Variants in PDS5B observed in about 807,000 individuals in gnomAD.
The protein encoded by PDS5B is sister chromatid cohesion protein PDS5 homolog B.
PDS5B carries 51 observed loss-of-function variants against 184.1 expected under a neutral mutation model. The ratio of observed to expected loss-of-function variants is 0.28; its 90% confidence interval spans 0.22 to 0.35. The LOEUF is 0.35. Among genes scored for constraint, PDS5B ranks in the 10% least tolerant of loss-of-function variants. The pLI is 1.00. For synonymous variants in PDS5B, 566 were observed against 569.2 expected (o/e 0.99, Z 0.08); for missense variants, 1,180 against 1,723.3 (o/e 0.68, Z 5.58).
rs550723153 is a variant in PDS5B, at chr13:32,679,078, A to T, written c.1057+149A>T. ...GTCATGGAAGTTGTTCTCTGAAGCT[A>T]GATTTTTTTTTTTTTTTTTAAAATA... On this transcript the variant is annotated intron_variant, in intron 10 of 34. Transcript: ENST00000315596. 1.3e-3 allele frequency: 576 copies of T among 460,238 alleles called. 5 individuals are homozygous for T. The highest frequency in any genetic ancestry group is 5.1e-3 in the Middle Eastern group (9 of 1,762). 28.5% of individuals were successfully genotyped at this position (460,238 alleles called of 1,614,324 possible). A position where few individuals can be genotyped will look rare whatever the true frequency, so the allele number is the denominator to read the frequency against.
chr13:32,742,834 G>T, intron 23 of PDS5B, 107 bp downstream of exon 23: 1 of 998,934 alleles, frequency 1.0e-6, no homozygotes, highest in Non-Finnish European at 1.5e-6. Flanking sequence ...AATTAGAATT[G>T]CTTTGTACAT....
chr13:32,756,125 A>C (rs1954168709), intron 26 of PDS5B, among the ~76,000 whole-genome samples, 169 bp downstream of exon 26: 1 of 151,830 alleles, frequency 6.6e-6, no homozygotes, highest in South Asian at 2.1e-4. Context: ...ATCTCTTTAT[A>C]TTACATTTTT....
At position 32,648,800 on chromosome 13, in the gene PDS5B, G is replaced by T; in HGVS notation, c.28G>T (p.Asp10Tyr). 6.5e-7 allele frequency: 1 copy of T among 1,546,524 alleles called. No homozygotes were observed. Among genetic ancestry groups the T allele is most frequent in the Non-Finnish European group, 8.9e-7 (1 of 1,118,614 alleles). The change falls in exon 2 of 35, where the codon GAT becomes TAT. Residue 10 changes from aspartate to tyrosine, a missense_variant. This residue lies in a region of PDS5B where 13 missense variants were observed against 16.1 expected (regional missense o/e 0.81). Coordinates refer to ENST00000315596, the MANE Select transcript of PDS5B (RefSeq NM_015032.4). The part of the protein sequence containing the change: MAHSKTRTN[D>Y]GKITYPPGVK... The stretch of plus-strand genomic sequence containing the variant: ...GGCTCATTCAAAGACTAGGACCAAT[G>T]ATGGAAAAATTACATATCCGCCTGG...
At chr13:32,712,599 A>C (rs970707195) in intron 19 of PDS5B, among the ~76,000 whole-genome samples, 2 of 152,244 alleles carry the variant, frequency 1.3e-5, no homozygotes, top group African/African-American at 2.4e-5. Context: ...CAGAATTGGC[A>C]CCAGATGTGC....
chr13:32,725,643 A>G (rs1007646374), intron 19 of PDS5B, among the ~76,000 whole-genome samples: 1 of 152,224 alleles, frequency 6.6e-6, no homozygotes, highest in African/African-American at 2.4e-5. Context: ...ATGTTTGTTT[A>G]TACGGATACT....
chr13:32,605,610 C>G (rs1027295504), intron 1 of PDS5B, among the ~76,000 whole-genome samples: 7 of 152,098 alleles, frequency 4.6e-5, no homozygotes, highest in Non-Finnish European at 8.8e-5. Flanking sequence ...GAGGTTAGTT[C>G]AAGTCCTGGA....
intron 24 of PDS5B, among the ~76,000 whole-genome samples, chr13:32,752,883 T>G (rs1217039766): frequency 2.0e-5 from 3 of 152,316 alleles, no homozygotes; most frequent in Admixed American, 2.0e-4. Flanking sequence ...GCCTCCCGAG[T>G]AGTTGGGACT....
intron 1 of PDS5B, among the ~76,000 whole-genome samples, chr13:32,592,197 C>T (rs2057786620): frequency 6.6e-6 from 1 of 152,144 alleles, no homozygotes; most frequent in South Asian, 2.1e-4. Context: ...TCCTGTCAGG[C>T]ATGGCAGCCT....
chr13:32,587,638 C>T (rs1020528232), intron 1 of PDS5B, among the ~76,000 whole-genome samples: 1 of 152,180 alleles, frequency 6.6e-6, no homozygotes, highest in Non-Finnish European at 1.5e-5. Context: ...CGTTCCTTGC[C>T]GCGGACGGGG....
intron 1 of PDS5B, among the ~76,000 whole-genome samples, chr13:32,618,567 A>T (rs984466068): frequency 1.3e-5 from 2 of 152,104 alleles, no homozygotes; most frequent in Non-Finnish European, 2.9e-5. Flanking sequence ...TTGGGCATCC[A>T]CTGGTGGTCC....
At chr13:32,721,748 C>G (rs1323822916) in intron 19 of PDS5B, among the ~76,000 whole-genome samples, 2 of 151,892 alleles carry the variant, frequency 1.3e-5, no homozygotes, top group Non-Finnish European at 1.5e-5. Context: ...GCGCTCCTCA[C>G]TTCCCAGACT....
At chr13:32,646,550 A>G (rs1428462468) in intron 1 of PDS5B, among the ~76,000 whole-genome samples, 1 of 150,872 alleles carries the variant, frequency 6.6e-6, no homozygotes, top group Non-Finnish European at 1.5e-5. Context: ...AATACCACAG[A>G]GTGAATCTGG....
intron 19 of PDS5B, among the ~76,000 whole-genome samples, chr13:32,726,006 G>T (rs997710615): frequency 6.6e-5 from 10 of 151,842 alleles, no homozygotes; most frequent in Admixed American, 4.6e-4. Flanking sequence ...TTTTTGAGAG[G>T]TCGCTCTTTT....
At chr13:32,703,167 A>G (rs1278890355) in intron 17 of PDS5B, among the ~76,000 whole-genome samples, 1 of 152,212 alleles carries the variant, frequency 6.6e-6, no homozygotes, top group Non-Finnish European at 1.5e-5. Context: ...ATCAAGGCCT[A>G]TCAAGTTTAA....
At chr13:32,631,582 ATGAT>A (rs2058456682) in intron 1 of PDS5B, among the ~76,000 whole-genome samples, 1 of 152,194 alleles carries the variant, frequency 6.6e-6, no homozygotes, top group African/African-American at 2.4e-5. Flanking sequence ...GAAAGAATGA[ATGAT>A]CTGAGTCTGT....
intron 3 of PDS5B, among the ~76,000 whole-genome samples, chr13:32,653,990 GTTCTGT>G (rs762789308): frequency 1.3e-5 from 2 of 152,164 alleles, no homozygotes; most frequent in East Asian, 1.9e-4. Flanking sequence ...CTACATATCT[GTTCTGT>G]TTCTAACAGG....
chr13:32,752,850 A>T (rs746160445), intron 24 of PDS5B, among the ~76,000 whole-genome samples: 1 of 152,146 alleles, frequency 6.6e-6, no homozygotes, highest in Middle Eastern at 3.2e-3. Flanking sequence ...ATTAAGAGAC[A>T]GGGTCTTGCT....
At chr13:32,722,683 A>C (rs1566374510) in intron 19 of PDS5B, among the ~76,000 whole-genome samples, 2 of 152,268 alleles carry the variant, frequency 1.3e-5, no homozygotes, top group Non-Finnish European at 2.9e-5. Flanking sequence ...AGATGTTTAA[A>C]GGACAAAAGA....
chr13:32,770,673 A>G lies in PDS5B; in HGVS notation c.4084A>G (p.Ser1362Gly). ...AAGCAGAGCAGAATCTCCTGAATCT[A>G]GTGCAATTGAATCCACACAGTCCAC... is the stretch of plus-strand genomic sequence containing the variant. The part of the protein sequence containing the change: ...AQQRAESPES[S>G]AIESTQSTPQ... The change falls in exon 33 of 35, where the codon AGT becomes GGT. Residue 1362 changes from serine (S) to glycine (G), a missense_variant. Physicochemically the swap from Ser to Gly is moderately conservative, Grantham distance 56. This residue lies in a region of PDS5B where 465 missense variants were observed against 497.8 expected (regional missense o/e 0.93). Coordinates refer to ENST00000315596, the MANE Select transcript of PDS5B (RefSeq NM_015032.4). 1.9e-6 allele frequency: 3 copies of G among 1,611,566 alleles called. No individual in the cohort carries two copies. The highest frequency in any genetic ancestry group is 2.5e-6 in the Non-Finnish European group (3 of 1,178,812).
Sources: allele counts gnomAD v4.1 joint callset (sites outside exome capture counted in the v4.1 genomes callset), GRCh38; gene constraint gnomAD v4.1.1; regional missense constraint gnomAD v4.1.1; transcripts MANE v1.5; gene names NCBI Gene and HGNC (gene_info 2026-07-23, HGNC 2026-07-21).